STPG2: variants seen among roughly 807,000 people sequenced by gnomAD.
STPG2 encodes the protein sperm-tail PG-rich repeat-containing protein 2.
Under a neutral mutation model 54.2 loss-of-function variants are expected in STPG2, and 56 were observed. The observed-to-expected ratio is 1.03, with a 90% confidence interval of 0.83 to 1.29. The LOEUF is 1.29. Ranked by LOEUF, STPG2 falls within the 50% of genes most tolerant of loss-of-function variation. The probability of loss-of-function intolerance (pLI) is 0.00; values close to 1 mark genes in which losing one functional copy is unlikely to be tolerated. For synonymous variants in STPG2, 200 were observed against 181.8 expected, an observed-to-expected ratio of 1.10 and a Z score of -0.81; for missense variants, 596 against 544.9, an observed-to-expected ratio of 1.09 and a Z score of -0.93.
chr4:97,957,589 A>G (rs932131499), intron 7 of STPG2, among the ~76,000 whole-genome samples: 3 of 152,160 alleles, frequency 2.0e-5, no homozygotes, highest in African/African-American at 7.2e-5. Flanking sequence ...AATTCATCAC[A>G]AAAGATCACT....
intron 3 of STPG2, among the ~76,000 whole-genome samples, chr4:98,126,408 G>C (rs1261344830): frequency 6.6e-6 from 1 of 152,188 alleles, no homozygotes; most frequent in East Asian, 1.9e-4. Flanking sequence ...GGATCTCCTG[G>C]TCCATGAGTT....
intron 9 of STPG2, among the ~76,000 whole-genome samples, chr4:97,820,115 A>G (rs1293186271): frequency 1.3e-5 from 2 of 151,856 alleles, no homozygotes; most frequent in East Asian, 1.9e-4. Context: ...AGACTTTTCC[A>G]TTATTATTAT....
At chr4:97,875,239 C>T (rs1187358929) in intron 8 of STPG2, among the ~76,000 whole-genome samples, 5 of 151,754 alleles carry the variant, frequency 3.3e-5, no homozygotes, top group Non-Finnish European at 5.9e-5. Flanking sequence ...CTTTGGTAGG[C>T]GAAATTTTAA....
intron 10 of STPG2, among the ~76,000 whole-genome samples, chr4:97,652,971 G>T (rs1350655745): frequency 1.3e-5 from 2 of 151,866 alleles, no homozygotes; most frequent in Non-Finnish European, 2.9e-5. Flanking sequence ...TATACCTTTA[G>T]CAGGAGATAG....
chr4:97,697,091 C>G (rs1326458261), intron 10 of STPG2, among the ~76,000 whole-genome samples: 2 of 152,140 alleles, frequency 1.3e-5, no homozygotes, highest in African/African-American at 2.4e-5. Context: ...CACAGCCACA[C>G]TATGTTCACC....
intron 3 of STPG2, among the ~76,000 whole-genome samples, chr4:98,116,275 A>C (rs917445130): frequency 4.6e-5 from 7 of 151,932 alleles, no homozygotes; most frequent in African/African-American, 1.7e-4. Context: ...GCTTAAAGCA[A>C]GAATTACATT....
chr4:98,048,711 G>A (rs77329916), intron 5 of STPG2: 2,243 of 153,494 alleles, frequency 0.015, 56 homozygotes, highest in African/African-American at 0.05. Context: ...CCTATACAGT[G>A]CCTATTATTA....
intron 10 of STPG2, among the ~76,000 whole-genome samples, chr4:97,612,308 T>A (rs1215976962): frequency 6.7e-6 from 1 of 149,426 alleles, no homozygotes; most frequent in African/African-American, 2.5e-5. Context: ...ATTGTCAACA[T>A]TGTGGATTTT....
intron 10 of STPG2, among the ~76,000 whole-genome samples, chr4:97,597,196 A>G (rs1027944806): frequency 6.6e-6 from 1 of 152,176 alleles, no homozygotes; most frequent in Non-Finnish European, 1.5e-5. Context: ...CAACCTCCTG[A>G]GAATGCGCTA....
chr4:97,970,297 G>A (rs983423695), intron 7 of STPG2, among the ~76,000 whole-genome samples: 1 of 152,030 alleles, frequency 6.6e-6, no homozygotes, highest in Non-Finnish European at 1.5e-5. Context: ...TCACAGAATT[G>A]GAAAAAAACT....
intron 10 of STPG2, among the ~76,000 whole-genome samples, chr4:97,575,922 G>A (rs1732711187): frequency 6.6e-6 from 1 of 152,096 alleles, no homozygotes; most frequent in South Asian, 2.1e-4. Context: ...TAAAGTACTA[G>A]CACACAAAAT....
chr4:97,751,663 T>C (rs1001573672), intron 9 of STPG2, among the ~76,000 whole-genome samples: 3 of 151,684 alleles, frequency 2.0e-5, no homozygotes, highest in Non-Finnish European at 4.4e-5. Flanking sequence ...CTGTGTCAAA[T>C]AAACAAACAT....
chr4:97,590,453 A>T (rs551754950), intron 10 of STPG2, among the ~76,000 whole-genome samples: 4 of 152,260 alleles, frequency 2.6e-5, no homozygotes, highest in African/African-American at 9.6e-5. Flanking sequence ...CAACTGAAGC[A>T]TGATAACATC....
chr4:97,708,262 A>C (rs1724012288), intron 10 of STPG2, among the ~76,000 whole-genome samples: 1 of 152,114 alleles, frequency 6.6e-6, no homozygotes, highest in Admixed American at 6.5e-5. Context: ...AATCTAAAAA[A>C]ATTCACTTGG....
Position 97,668,816 on chromosome 4 carries a change from C to T in STPG2, c.1320+43883G>A, listed in dbSNP as rs186875253. The stretch of plus-strand genomic sequence containing the variant: ...AGTTTACATTATCAGCGGGTCATTC[C>T]GAAGCTGATCTTAGTAGACTAGAAA... On this transcript the variant is annotated intron_variant, in intron 10 of 10. Coordinates refer to ENST00000295268, the MANE Select transcript of STPG2 (RefSeq NM_174952.3). 1.4e-4 allele frequency among the ~76,000 whole-genome samples: 21 copies of T among 151,968 alleles called. No individual in the cohort carries two copies. In the East Asian group the frequency reaches 3.3e-3, roughly 24 times the overall value.
intron 8 of STPG2, among the ~76,000 whole-genome samples, chr4:97,900,256 T>A (rs1326495693): frequency 2.6e-5 from 4 of 152,028 alleles, no homozygotes; most frequent in Admixed American, 2.6e-4. Flanking sequence ...TGGCTATTGT[T>A]AAAAAGTCAA....
chr4:97,900,020 T>G (rs951887058), intron 8 of STPG2, among the ~76,000 whole-genome samples: 4 of 151,944 alleles, frequency 2.6e-5, no homozygotes, highest in African/African-American at 9.7e-5. Flanking sequence ...TTGCAAACTA[T>G]GCATCTGACA....
chr4:97,581,260 G>A (rs1216177453), intron 10 of STPG2, among the ~76,000 whole-genome samples: 3 of 152,158 alleles, frequency 2.0e-5, no homozygotes, highest in Non-Finnish European at 4.4e-5. Flanking sequence ...CACTCCAGAA[G>A]CACCACAAAG....
intron 4 of STPG2, among the ~76,000 whole-genome samples, chr4:97,478,871 ATATG>A (rs1377529962): frequency 5.0e-4 from 63 of 125,222 alleles, no homozygotes; most frequent in African/African-American, 1.3e-3. Context: ...ACCAAGCCAA[ATATG>A]TGTGTGTGTG....
Sources: allele counts gnomAD v4.1 joint callset (sites outside exome capture counted in the v4.1 genomes callset), GRCh38; gene constraint gnomAD v4.1.1; transcripts MANE v1.5; gene names NCBI Gene and HGNC (gene_info 2026-07-23, HGNC 2026-07-21).